Variants in LRRC3B observed in about 807,000 individuals in gnomAD.
LRRC3B encodes the protein leucine rich repeat containing 3B.
Under a neutral mutation model 12.8 loss-of-function variants are expected in LRRC3B, and 2 were observed. The observed-to-expected ratio is 0.16, with a 90% CI of 0.06 to 0.49. LRRC3B has a LOEUF of 0.49. Among genes scored for constraint, LRRC3B ranks in the 20% least tolerant of loss-of-function variants. The pLI is 0.96. For missense variants in LRRC3B, 189 were observed against 319.4 expected, an observed-to-expected ratio of 0.59 and a Z score of 3.11; for synonymous variants, 132 against 122.0, an observed-to-expected ratio of 1.08 and a Z score of -0.54.
rs148507065 is a variant in LRRC3B, at chr3:26,655,510, A to G, written c.-161+32273A>G. On this transcript the variant is annotated intron_variant, in intron 1 of 1. Transcript: ENST00000396641. ...TACTGATAAGCAGATCTTACTTGAT[A>G]GGTTGGCCTAGGATTATTAGTAAAG... Among the ~76,000 whole-genome samples the G allele has an allele frequency of 2.2e-4, 34 of 152,350 alleles. 1 individual carries two copies. The East Asian group carries it at 6.2e-3, about 28-fold the overall frequency.
chr3:26,708,179 C>T (rs1700650474), intron 1 of LRRC3B, among the ~76,000 whole-genome samples: 1 of 152,180 alleles, frequency 6.6e-6, no homozygotes, highest in Non-Finnish European at 1.5e-5. Flanking sequence ...TTGTTGTCCA[C>T]TGCTGTAAGA....
At chr3:26,694,117 C>T (rs950111906) in intron 1 of LRRC3B, among the ~76,000 whole-genome samples, 8 of 152,152 alleles carry the variant, frequency 5.3e-5, no homozygotes, top group Admixed American at 3.9e-4. Context: ...CCTGTCACCT[C>T]ATACTCTTTG....
intron 1 of LRRC3B, among the ~76,000 whole-genome samples, chr3:26,634,170 G>A (rs1698816826): frequency 2.0e-5 from 3 of 152,204 alleles, no homozygotes; most frequent in Admixed American, 2.0e-4. Context: ...AGTTTCTTCA[G>A]CTCTCTGAGC....
At chr3:26,662,960 A>G (rs1653393719) in intron 1 of LRRC3B, among the ~76,000 whole-genome samples, 1 of 152,142 alleles carries the variant, frequency 6.6e-6, no homozygotes, top group African/African-American at 2.4e-5. Flanking sequence ...TGTGTTACTC[A>G]GGAGGTGCCT....
intron 1 of LRRC3B, among the ~76,000 whole-genome samples, chr3:26,653,094 G>T: frequency 8.9e-6 from 1 of 112,446 alleles, no homozygotes; most frequent in East Asian, 2.7e-4. Context: ...GAGCTTGTGG[G>T]ATCAAAAAAA....
chr3:26,639,196 A>T (rs1271294441), intron 1 of LRRC3B, among the ~76,000 whole-genome samples: 3 of 152,224 alleles, frequency 2.0e-5, no homozygotes. Flanking sequence ...ATGTAAAAAG[A>T]AAAAGGTATA....
At chr3:26,639,474 G>GATATT (rs137881154) in intron 1 of LRRC3B, among the ~76,000 whole-genome samples, 307 of 146,384 alleles carry the variant, frequency 2.1e-3, no homozygotes, top group African/African-American at 7.4e-3. Flanking sequence ...GACTGAATTG[G>GATATT]AATCTTTAAA....
chr3:26,637,153 T>G (rs1159467215), intron 1 of LRRC3B, among the ~76,000 whole-genome samples: 2 of 151,582 alleles, frequency 1.3e-5, no homozygotes, highest in Non-Finnish European at 2.9e-5. Context: ...CCCACCACCA[T>G]GCCCAGCTAA....
intron 1 of LRRC3B, among the ~76,000 whole-genome samples, chr3:26,685,727 A>G (rs1280210754): frequency 1.3e-5 from 2 of 151,598 alleles, no homozygotes; most frequent in South Asian, 2.1e-4. Context: ...TTCATATACA[A>G]TAATTCAGAA....
chr3:26,652,320 G>A (rs1015026500), intron 1 of LRRC3B, among the ~76,000 whole-genome samples: 3 of 152,310 alleles, frequency 2.0e-5, no homozygotes, highest in African/African-American at 7.2e-5. Context: ...AACCCTTTAT[G>A]GGATCCTCTC....
chr3:26,666,709 A>G (rs1699612328), intron 1 of LRRC3B, among the ~76,000 whole-genome samples: 1 of 152,292 alleles, frequency 6.6e-6, no homozygotes, highest in South Asian at 2.1e-4. Context: ...ATCACTATCA[A>G]TCAAACTCCA....
rs1161960755 is a variant in LRRC3B, at chr3:26,671,350, GTATATA to G, written c.-160-38144_-160-38139del. ...TATAAATGTGTGTGTATATATGTGT[GTATATA>G]TATATATATATATATATAGAGAGAG... On this transcript the variant is annotated intron_variant, in intron 1 of 1. Coordinates refer to ENST00000396641, the Ensembl canonical transcript of LRRC3B. Among the ~76,000 whole-genome samples the G allele has an allele frequency of 2.8e-3, 157 of 56,702 alleles. 3 individuals are homozygous for G. Among genetic ancestry groups the G allele is most frequent in the Admixed American group, 4.3e-3 (16 of 3,752 alleles). The allele number at this position is 56,702 out of a possible 152,430, so 37.2% of individuals were successfully genotyped here. A position where few individuals can be genotyped will look rare whatever the true frequency, so the allele number is the denominator to read the frequency against.
chr3:26,696,157 G>A (rs768261817), intron 1 of LRRC3B, among the ~76,000 whole-genome samples: 4 of 152,120 alleles, frequency 2.6e-5, no homozygotes, highest in Non-Finnish European at 5.9e-5. Flanking sequence ...GTACTATGCA[G>A]GCATTAAAAT....
intron 1 of LRRC3B, among the ~76,000 whole-genome samples, chr3:26,670,517 C>A (rs945207605): frequency 6.6e-6 from 1 of 152,082 alleles, no homozygotes; most frequent in Non-Finnish European, 1.5e-5. Context: ...CAAAATGGAG[C>A]TAAGGATATT....
chr3:26,650,652 A>G (rs1699245595), intron 1 of LRRC3B, among the ~76,000 whole-genome samples: 1 of 152,138 alleles, frequency 6.6e-6, no homozygotes, highest in Non-Finnish European at 1.5e-5. Flanking sequence ...CTTTTCCAAA[A>G]TATTTTGTTG....
intron 1 of LRRC3B, among the ~76,000 whole-genome samples, chr3:26,691,425 T>C (rs188916138): frequency 1.3e-5 from 2 of 152,174 alleles, no homozygotes; most frequent in Admixed American, 1.3e-4. Flanking sequence ...TCTTGAAAAT[T>C]TGGCTCTCTA....
At chr3:26,670,647 AAAG>A (rs1377894710) in intron 1 of LRRC3B, among the ~76,000 whole-genome samples, 1 of 152,214 alleles carries the variant, frequency 6.6e-6, no homozygotes, top group African/African-American at 2.4e-5. Context: ...ATTATTGTGG[AAAG>A]AAGTAGTGAG....
chr3:26,693,597 T>C (rs1294303162), intron 1 of LRRC3B, among the ~76,000 whole-genome samples: 1 of 152,132 alleles, frequency 6.6e-6, no homozygotes, highest in African/African-American at 2.4e-5. Flanking sequence ...CCATGCGAAA[T>C]AGATATTATC....
intron 1 of LRRC3B, among the ~76,000 whole-genome samples, chr3:26,666,866 G>A (rs915811694): frequency 3.3e-5 from 5 of 152,054 alleles, no homozygotes; most frequent in African/African-American, 1.2e-4. Flanking sequence ...CTTGACAGTT[G>A]TGAAGAGTCA....
Sources: gnomAD v4.1 joint callset for allele counts (sites outside exome capture counted in the v4.1 genomes callset) on GRCh38, gnomAD v4.1.1 for gene constraint, MANE v1.5 for transcripts, NCBI Gene and HGNC (gene_info 2026-07-23, HGNC 2026-07-21) for gene names.